RICTOR: variants seen among roughly 807,000 people sequenced by gnomAD.
RICTOR encodes rapamycin-insensitive companion of mTOR.
In RICTOR, 49 loss-of-function variants were observed where a neutral mutation model predicts 214.9. That is an observed-to-expected ratio of 0.23 (90% CI 0.18 to 0.29). The LOEUF is 0.29. Ranked by LOEUF, RICTOR falls within the 10% of genes least tolerant of loss-of-function variation. The probability of loss-of-function intolerance (pLI) is 1.00; values close to 1 mark genes in which losing one functional copy is unlikely to be tolerated. For synonymous variants in RICTOR, 717 were observed against 711.3 expected, an observed-to-expected ratio of 1.01 and a Z score of -0.13; for missense variants, 1,625 against 2,047.0, an observed-to-expected ratio of 0.79 and a Z score of 3.98.
intron 2 of RICTOR, among the ~76,000 whole-genome samples, chr5:39,035,981 C>T (rs1756659063): frequency 6.6e-6 from 1 of 152,170 alleles, no homozygotes; most frequent in South Asian, 2.1e-4. Flanking sequence ...CAAAGATACT[C>T]CTCGAGAAGA....
chr5:38,964,735 A>C (rs1371024827), intron 16 of RICTOR, 57 bp downstream of exon 16: 7 of 867,860 alleles, frequency 8.1e-6, no homozygotes, highest in Non-Finnish European at 1.3e-5. Flanking sequence ...AGAGACAATA[A>C]TCTAATTTGA....
rs147026364 is a variant in RICTOR at position 38,966,762 on chromosome 5, A to C, written c.1219-41T>G. ...GATAACACCACTGTTGCAAAATAAT[A>C]CATATGAAAACATTTATGCATCAGA... On this transcript the variant is annotated intron_variant, in intron 14 of 37. Transcript: ENST00000357387. 1.2e-4 allele frequency: 131 copies of C among 1,052,666 alleles called. No individual in the cohort carries two copies. In the East Asian group the frequency reaches 2.9e-3, roughly 24 times the overall value. The allele number at this position is 1,052,666 out of a possible 1,614,324, so 65.2% of individuals were successfully genotyped here. A position where few individuals can be genotyped will look rare whatever the true frequency, so the allele number is the denominator to read the frequency against.
At chr5:39,017,527 T>G (rs950543942) in intron 3 of RICTOR, among the ~76,000 whole-genome samples, 1 of 152,056 alleles carries the variant, frequency 6.6e-6, no homozygotes, top group Non-Finnish European at 1.5e-5. Context: ...CTAGTCAATG[T>G]TTTTAAAAGC....
chr5:39,008,195 G>A (rs1019532071), intron 3 of RICTOR, among the ~76,000 whole-genome samples: 4 of 151,676 alleles, frequency 2.6e-5, no homozygotes, highest in African/African-American at 9.7e-5. Context: ...AAAAAAAAAG[G>A]ATATACATCA....
intron 2 of RICTOR, among the ~76,000 whole-genome samples, chr5:39,030,535 G>C (rs763836996): frequency 6.6e-6 from 1 of 151,990 alleles, no homozygotes; most frequent in Non-Finnish European, 1.5e-5. Flanking sequence ...ACTCTAGAGC[G>C]TTATCTGTGT....
In RICTOR at chr5:38,950,470, T is replaced by C. The variant is rs1418351361; in HGVS notation, c.3378A>G (p.Thr1126=). ...TAAGTGTTCTGATTCGCCTGTTGCTTGTCTTACTTTCAGATGATAATTTCC... is the reference window on the plus strand; with the variant it reads ...TAAGTGTTCTGATTCGCCTGTTGCTCGTCTTACTTTCAGATGATAATTTCC... ...KGGKLSSESK[T]SNRRIRTLTE... is the part of the protein sequence containing the mutation. The change falls in exon 31 of 38, where the codon ACA becomes ACG. Residue 1126 remains threonine, a synonymous_variant. Coordinates refer to ENST00000357387, the MANE Select transcript of RICTOR (RefSeq NM_152756.5). 1 of 1,613,568 alleles carries C rather than the reference T, an allele frequency of 6.2e-7. No individual in the cohort carries two copies. Among genetic ancestry groups the C allele is most frequent in the Non-Finnish European group, 8.5e-7 (1 of 1,179,664 alleles).
At position 39,074,131 on chromosome 5, in the gene RICTOR, A is replaced by C. The variant is rs780729270; in HGVS notation, c.77T>G (p.Val26Gly). 1 of 1,583,146 alleles carries C rather than the reference A, an allele frequency of 6.3e-7. No individual in the cohort carries two copies. Among genetic ancestry groups the C allele is most frequent in the East Asian group, 2.5e-5 (1 of 40,652 alleles). ...RGRNDSGEEN[V>G]PLDLTREPSD... Reference sequence around the variant, plus strand: ...GTTACCTCGGGTCAGATCCAGCGGGACGTTCTCCTCGCCGCTGTCATTCCG... The same window carrying C: ...GTTACCTCGGGTCAGATCCAGCGGGCCGTTCTCCTCGCCGCTGTCATTCCG... Residue 26 changes from valine to glycine, a missense_variant, in exon 2 of 38, where the codon GTC becomes GGC. Physicochemically the swap from Val to Gly is moderately radical, Grantham distance 109 (BLOSUM62 -3). Coordinates refer to ENST00000357387, the MANE Select transcript of RICTOR (RefSeq NM_152756.5).
chr5:39,015,229 T>C (rs2150127180), intron 3 of RICTOR, among the ~76,000 whole-genome samples: 1 of 152,272 alleles, frequency 6.6e-6, no homozygotes, highest in African/African-American at 2.4e-5. Flanking sequence ...TTTCTTATTC[T>C]ATAGAGCTAT....
intron 2 of RICTOR, among the ~76,000 whole-genome samples, chr5:39,064,648 C>G (rs1758776051): frequency 6.6e-6 from 1 of 152,054 alleles, no homozygotes; most frequent in Non-Finnish European, 1.5e-5. Context: ...GACCTGGGAG[C>G]GGGAGGAGGC....
At chr5:38,983,260 T>A (rs1375387825) in intron 7 of RICTOR, among the ~76,000 whole-genome samples, 1 of 152,236 alleles carries the variant, frequency 6.6e-6, no homozygotes, top group African/African-American at 2.4e-5. Context: ...TTATATATTT[T>A]CTTTTCTACT....
Position 38,959,969 on chromosome 5 carries a change from C to T in RICTOR, c.1861G>A (p.Gly621Ser), listed in dbSNP as rs1749646164. ...FLLESEEDGQ[G>S]YLEDLVKDIV... is the part of the protein sequence containing the mutation. Reference sequence around the variant, plus strand: ...TCCTTTACTAGATCTTCTAAGTAGCCTTGCCCATCCTAAAAGTAAATACAT... The same window carrying T: ...TCCTTTACTAGATCTTCTAAGTAGCTTTGCCCATCCTAAAAGTAAATACAT... Residue 621 changes from glycine to serine, a missense_variant, in exon 21 of 38, where the codon GGC becomes AGC. Transcript: ENST00000357387. The T allele has an allele frequency of 6.2e-7, 1 of 1,602,908 alleles. No homozygotes were observed. The highest frequency in any genetic ancestry group is 1.3e-5 in the African/African-American group (1 of 74,778).
intron 24 of RICTOR, 57 bp downstream of exon 24, chr5:38,958,385 TA>T: frequency 9.3e-7 from 1 of 1,072,842 alleles, no homozygotes; most frequent in Non-Finnish European, 1.5e-6. Flanking sequence ...CTATCTTTAA[TA>T]TACACTGCCA....
At chr5:39,001,478 T>C (rs1753612952) in intron 5 of RICTOR, among the ~76,000 whole-genome samples, 1 of 152,058 alleles carries the variant, frequency 6.6e-6, no homozygotes, top group Non-Finnish European at 1.5e-5. Context: ...TAAACACGTA[T>C]AAAGGAATAA....
In RICTOR at chr5:38,950,367, T is replaced by A. The variant is rs770324199; in HGVS notation, c.3481A>T (p.Thr1161Ser). 1 of 1,613,206 alleles carries A rather than the reference T, an allele frequency of 6.2e-7. No individual in the cohort carries two copies. The change falls in exon 31 of 38, where the codon ACT (threonine) becomes TCT (serine). Residue 1161 changes from threonine to serine, a missense_variant. Physicochemically the swap from Thr to Ser is moderately conservative, Grantham distance 58. Transcript: ENST00000357387. ...ATGTGCTTATTCCCCATAAATGAAG[T>A]CTCTAATTGTAATGTTTTCTGTACA... Reference protein sequence around the residue: ...STVQKTLQLETSFMGNKHIED... With the variant: ...STVQKTLQLESSFMGNKHIED...
Position 39,046,237 on chromosome 5 carries a change from G to A in RICTOR, c.98-25101C>T, listed in dbSNP as rs528928520. 5.3e-5 allele frequency among the ~76,000 whole-genome samples: 8 copies of A among 151,090 alleles called. No homozygotes were observed. The East Asian group carries it at 1.2e-3, about 22-fold the overall frequency. On this transcript the variant is annotated intron_variant, in intron 2 of 37. Transcript: ENST00000357387. ...AAAACAGCTGGGCATAGTGGCATAC[G>A]CCTGTCGTCCCAGCTACTCAGGAGG...
At chr5:38,942,422 G>T in intron 37 of RICTOR, 44 bp from the exon 38 acceptor site, 1 of 1,146,744 alleles carries the variant, frequency 8.7e-7, no homozygotes, top group South Asian at 1.5e-5. Flanking sequence ...TATAAAAACA[G>T]ATGATATAAC....
At chr5:38,970,247 T>C (rs886728605) in intron 11 of RICTOR, 19 of 152,194 alleles carry the variant, frequency 1.2e-4, no homozygotes, top group African/African-American at 4.3e-4. Context: ...TGCATGATTA[T>C]ACCATATTTT....
Position 38,990,559 on chromosome 5 carries a change from T to TATATACACGATATATACGATATATACATG in RICTOR, c.583+389_583+390insCATGTATATATCGTATATATCGTGTATAT, listed in dbSNP as rs1561501018. ...TACGATATATACACGATATACACGA[T>TATATACACGATATATACGATATATACATG]ATATACACGATATATATGATATATA... On this transcript the variant is annotated intron_variant, in intron 7 of 37. Transcript: ENST00000357387. Among the ~76,000 whole-genome samples, 10 of 119,460 alleles carry TATATACACGATATATACGATATATACATG rather than the reference T, an allele frequency of 8.4e-5. 5 individuals carry two copies. The highest frequency in any genetic ancestry group is 1.8e-4 in the Non-Finnish European group (10 of 55,438). 78.4% of individuals were successfully genotyped at this position (119,460 alleles called of 152,430 possible). A position where few individuals can be genotyped will look rare whatever the true frequency, so the allele number is the denominator to read the frequency against.
intron 25 of RICTOR, among the ~76,000 whole-genome samples, chr5:38,956,482 C>T (rs1264940640): frequency 1.3e-5 from 2 of 152,052 alleles, no homozygotes; most frequent in African/African-American, 4.8e-5. Context: ...CTTCATAAGT[C>T]TATAATGTTC....
Sources: gnomAD v4.1 joint callset for allele counts (sites outside exome capture counted in the v4.1 genomes callset) on GRCh38, gnomAD v4.1.1 for gene constraint, MANE v1.5 for transcripts, NCBI Gene and HGNC (gene_info 2026-07-23, HGNC 2026-07-21) for gene names.